TENM2: variants seen among roughly 807,000 people sequenced by gnomAD.
TENM2 encodes teneurin transmembrane protein 2, also known as teneurin-2.
A neutral mutation model predicts 245.2 loss-of-function variants in TENM2; 52 were observed. The ratio of observed to expected loss-of-function variants is 0.21; its 90% CI spans 0.17 to 0.27. The LOEUF (loss-of-function observed/expected upper bound fraction) is 0.27, where lower values mean the gene tolerates loss of function less well. Ranked by LOEUF, TENM2 falls within the 10% of genes least tolerant of loss-of-function variation. TENM2 has a pLI of 1.00. For missense variants in TENM2, 3,046 were observed against 3,666.8 expected (o/e 0.83, Z 4.37); for synonymous variants, 1,363 against 1,438.9 (o/e 0.95, Z 1.19).
chr5:168,027,023 A>G lies in TENM2; in HGVS notation c.1187-20404A>G, dbSNP rs148993094. Among the ~76,000 whole-genome samples the G allele has an allele frequency of 1.8e-4, 28 of 152,320 alleles. No individual in the cohort carries two copies. The East Asian group carries it at 5.4e-3, about 29-fold the overall frequency. On this transcript the variant is annotated intron_variant, in intron 5 of 28. Coordinates refer to ENST00000518659, the Ensembl canonical transcript of TENM2. ...CCATGTCAGCAAGAATAAACTAATT[A>G]GCTAAAACTACTTATTAAAATGATA...
chr5:167,959,703 A>C (rs371166909), intron 4 of TENM2, among the ~76,000 whole-genome samples: 106 of 152,214 alleles, frequency 7.0e-4, no homozygotes, highest in African/African-American at 2.5e-3. Context: ...TACTTTTGTC[A>C]ATTCATCAAA....
chr5:167,737,113 A>G (rs929166419), intron 2 of TENM2, among the ~76,000 whole-genome samples: 5 of 152,106 alleles, frequency 3.3e-5, no homozygotes, highest in South Asian at 4.2e-4. Flanking sequence ...ATCATGTCCT[A>G]TTTTTAAGTT....
chr5:168,143,341 A>G (rs1755728097), intron 12 of TENM2, among the ~76,000 whole-genome samples: 1 of 152,096 alleles, frequency 6.6e-6, no homozygotes, highest in Non-Finnish European at 1.5e-5. Flanking sequence ...ATACTTTATA[A>G]AAATTACTTA....
At chr5:167,642,496 T>C (rs1005997514) in intron 2 of TENM2, among the ~76,000 whole-genome samples, 5 of 152,184 alleles carry the variant, frequency 3.3e-5, no homozygotes, top group Admixed American at 6.5e-5. Context: ...CTCCTCCTCA[T>C]CTTCCTACAC....
At chr5:167,299,546 T>A (rs920007567) in intron 1 of TENM2, among the ~76,000 whole-genome samples, 1 of 152,200 alleles carries the variant, frequency 6.6e-6, no homozygotes, top group Non-Finnish European at 1.5e-5. Context: ...ACTGAGAAGT[T>A]ATTTCCTTGA....
the TENM2 span, among the ~76,000 whole-genome samples, chr5:167,192,038 C>G: frequency 6.6e-6 from 1 of 152,148 alleles, no homozygotes; most frequent in East Asian, 1.9e-4. Flanking sequence ...AGCAACTCAA[C>G]TCTTACTGTT....
chr5:168,262,110 G>A, exon 29 of TENM2: 1 of 1,614,020 alleles, frequency 6.2e-7, no homozygotes. Flanking sequence ...GCTCTGGAAG[G>A]ACAGGTCATT....
intron 2 of TENM2, among the ~76,000 whole-genome samples, chr5:167,574,273 T>C (rs1383859704): frequency 6.6e-6 from 1 of 152,190 alleles, no homozygotes; most frequent in African/African-American, 2.4e-5. Flanking sequence ...AGGAGAGAGA[T>C]GAGAAAGATG....
At chr5:167,259,659 A>G in the TENM2 span, among the ~76,000 whole-genome samples, 4 of 152,280 alleles carry the variant, frequency 2.6e-5, no homozygotes, top group Non-Finnish European at 5.9e-5. Context: ...TTTTGGTAAC[A>G]ACATTAAAAG....
At chr5:167,014,715 G>A in the TENM2 span, among the ~76,000 whole-genome samples, 4 of 152,308 alleles carry the variant, frequency 2.6e-5, no homozygotes, top group South Asian at 8.3e-4. Context: ...AACCTGGCAC[G>A]TTTCATTACA....
the TENM2 span, among the ~76,000 whole-genome samples, chr5:167,086,545 G>C: frequency 6.6e-6 from 1 of 152,124 alleles, no homozygotes; most frequent in African/African-American, 2.4e-5. Flanking sequence ...ATGCATAGGA[G>C]CCAGCTGCTA....
chr5:168,022,972 C>G (rs1786292184), intron 5 of TENM2, among the ~76,000 whole-genome samples: 1 of 152,134 alleles, frequency 6.6e-6, no homozygotes, highest in African/African-American at 2.4e-5. Context: ...TTAAACACCC[C>G]ACACCCCACT....
chr5:167,258,199 ATATATAT>A, the TENM2 span, among the ~76,000 whole-genome samples: 1 of 85,488 alleles, frequency 1.2e-5, no homozygotes, highest in East Asian at 4.9e-4. Flanking sequence ...ATGTGTTGCC[ATATATAT>A]ATATATATGT....
intron 2 of TENM2, among the ~76,000 whole-genome samples, chr5:167,804,174 C>A (rs1310470133): frequency 1.3e-5 from 2 of 152,014 alleles, no homozygotes; most frequent in Non-Finnish European, 2.9e-5. Context: ...AGATAACATT[C>A]TTCTGCTTGA....
chr5:167,398,633 T>C (rs550129168), intron 2 of TENM2, among the ~76,000 whole-genome samples: 2 of 152,074 alleles, frequency 1.3e-5, no homozygotes, highest in African/African-American at 4.8e-5. Flanking sequence ...AGAGATAGGG[T>C]TTCACCCTGT....
chr5:167,479,829 A>C (rs1442713003), intron 2 of TENM2, among the ~76,000 whole-genome samples: 1 of 152,222 alleles, frequency 6.6e-6, no homozygotes, highest in Non-Finnish European at 1.5e-5. Context: ...GGTGAAATGC[A>C]AAATTTAAAG....
At chr5:167,158,912 T>C in the TENM2 span, among the ~76,000 whole-genome samples, 3 of 102,488 alleles carry the variant, frequency 2.9e-5, no homozygotes, top group Admixed American at 9.9e-5. Flanking sequence ...TCCTTCCTCT[T>C]CCTCTCTCTC....
chr5:167,878,033 C>A (rs58669315), intron 3 of TENM2, among the ~76,000 whole-genome samples: 2 of 151,986 alleles, frequency 1.3e-5, no homozygotes, highest in Admixed American at 1.3e-4. Flanking sequence ...AAACTATATC[C>A]TTTTATGCAT....
rs76928529 is a variant in TENM2 at position 168,019,362 on chromosome 5, G to A, written c.1186+26180G>A. Among the ~76,000 whole-genome samples the A allele has an allele frequency of 2.5e-3, 376 of 152,256 alleles. 1 individual carries two copies. The highest frequency in any genetic ancestry group is 8.6e-3 in the African/African-American group (359 of 41,556). On this transcript the variant is annotated intron_variant, in intron 5 of 28. Coordinates refer to ENST00000518659, the Ensembl canonical transcript of TENM2. ...AGCCCCATGCAGAATGAAGTGATGG[G>A]GTGAAAACTAGATGAGAGCCAAGGA...
Sources: gnomAD v4.1 joint callset for allele counts (sites outside exome capture counted in the v4.1 genomes callset) on GRCh38, gnomAD v4.1.1 for gene constraint, MANE v1.5 for transcripts, NCBI Gene and HGNC (gene_info 2026-07-23, HGNC 2026-07-21) for gene names.